Variants in ERC2 observed in about 807,000 individuals in gnomAD.
ERC2 encodes ERC protein 2.
ERC2 carries 42 observed loss-of-function variants against 114.8 expected under a neutral mutation model. That is an observed-to-expected ratio of 0.37 (90% CI 0.29 to 0.47). The LOEUF (loss-of-function observed/expected upper bound fraction) is 0.47, where lower values mean the gene tolerates loss of function less well. Ranked by LOEUF, ERC2 falls within the 20% of genes least tolerant of loss-of-function variation. The probability of loss-of-function intolerance (pLI) is 0.99; values close to 1 mark genes in which losing one functional copy is unlikely to be tolerated. For missense variants in ERC2, 939 were observed against 1,150.7 expected (o/e 0.82, Z 2.66); for synonymous variants, 454 against 425.5 (o/e 1.07, Z -0.82).
intron 15 of ERC2, among the ~76,000 whole-genome samples, chr3:55,732,506 T>C (rs960981612): frequency 7.2e-4 from 109 of 152,232 alleles, no homozygotes; most frequent in African/African-American, 2.5e-3. Flanking sequence ...ACCAAGCTCG[T>C]CGTAAAGAAT....
At chr3:56,451,161 A>T (rs1186335264) in intron 1 of ERC2, among the ~76,000 whole-genome samples, 1 of 152,206 alleles carries the variant, frequency 6.6e-6, no homozygotes, top group Non-Finnish European at 1.5e-5. Context: ...ACACTAAAAA[A>T]TCTTCTATCT....
intron 15 of ERC2, among the ~76,000 whole-genome samples, chr3:55,700,789 C>T (rs77871601): frequency 7.9e-5 from 12 of 152,228 alleles, no homozygotes; most frequent in South Asian, 6.2e-4. Flanking sequence ...CAGATTTATC[C>T]GTCCGTATGT....
rs1479057352 is a variant in ERC2, at chr3:56,434,941, T to C, written c.67A>G (p.Arg23Gly). 5.6e-6 allele frequency: 9 copies of C among 1,613,646 alleles called. No homozygotes were observed. The highest frequency in any genetic ancestry group is 2.2e-5 in the East Asian group (1 of 44,886). ...CTTCGGTGGCCCAAACGAGGAGACC[T>C]TGGCAAACGAGGGGATCTGGAAGGG... ...GSPSRSPRLP[R>G]SPRLGHRRTS... is the part of the protein sequence containing the mutation. Residue 23 changes from arginine (R) to glycine (G), a missense_variant, in exon 2 of 18, where the codon AGG becomes GGG. Coordinates refer to ENST00000288221, the MANE Select transcript of ERC2 (RefSeq NM_015576.3).
intron 17 of ERC2, among the ~76,000 whole-genome samples, chr3:55,602,306 A>C (rs2058439419): frequency 6.6e-6 from 1 of 152,166 alleles, no homozygotes; most frequent in South Asian, 2.1e-4. Flanking sequence ...AGATTCCTGA[A>C]GATGCTCACA....
chr3:56,243,765 A>G (rs1184857134), intron 3 of ERC2, among the ~76,000 whole-genome samples: 1 of 152,202 alleles, frequency 6.6e-6, no homozygotes, highest in Non-Finnish European at 1.5e-5. Context: ...TCCATGCTCT[A>G]TAAGGGGAGC....
At chr3:55,689,059 G>T (rs1433607501) in intron 16 of ERC2, among the ~76,000 whole-genome samples, 1 of 152,122 alleles carries the variant, frequency 6.6e-6, no homozygotes, top group African/African-American at 2.4e-5. Context: ...AGACACACTG[G>T]GGTGTCTCTC....
chr3:56,234,789 C>T (rs1455272144), intron 3 of ERC2, among the ~76,000 whole-genome samples: 1 of 152,184 alleles, frequency 6.6e-6, no homozygotes, highest in Non-Finnish European at 1.5e-5. Context: ...AGAGACCAAA[C>T]TCATCCTTTT....
At chr3:56,372,099 G>T (rs115621807) in intron 2 of ERC2, among the ~76,000 whole-genome samples, 6 of 152,312 alleles carry the variant, frequency 3.9e-5, no homozygotes, top group Admixed American at 2.6e-4. Context: ...ACAAGAAAAT[G>T]AGCTAAAGAG....
At chr3:55,628,960 T>TGAGGAATTTTTTAC (rs2059632187) in intron 17 of ERC2, among the ~76,000 whole-genome samples, 1 of 151,994 alleles carries the variant, frequency 6.6e-6, no homozygotes, top group Non-Finnish European at 1.5e-5. Flanking sequence ...ACCTTTCTTA[T>TGAGGAATTTTTTAC]ATGAATGAAG....
In ERC2 at chr3:55,559,818, G is replaced by T. The variant is rs77069289; in HGVS notation, c.*40-48542C>A. 2.7e-3 allele frequency among the ~76,000 whole-genome samples: 410 copies of T among 152,360 alleles called. 2 individuals are homozygous for T. Among genetic ancestry groups the T allele is most frequent in the African/African-American group, 9.6e-3 (398 of 41,588 alleles). ...AGGGCTTGACCTCAGGCTTTGGCCT[G>T]TTTCAGCTTCTCCCCAGGCAAGACC... On this transcript the variant is annotated intron_variant, in intron 17 of 17. Transcript: ENST00000288221.
intron 2 of ERC2, among the ~76,000 whole-genome samples, chr3:56,360,061 CTTTTTTTTTT>C (rs5849149): frequency 6.1e-5 from 6 of 99,166 alleles, no homozygotes; most frequent in Non-Finnish European, 1.1e-4. Flanking sequence ...TAACAAAAAT[CTTTTTTTTTT>C]TTTTTTTTTT....
chr3:55,857,989 A>T (rs2061864457), intron 14 of ERC2, among the ~76,000 whole-genome samples: 1 of 152,172 alleles, frequency 6.6e-6, no homozygotes, highest in Non-Finnish European at 1.5e-5. Flanking sequence ...AAAAAATACA[A>T]CAGAACTATT....
At chr3:56,341,073 T>G (rs2058072141) in intron 2 of ERC2, among the ~76,000 whole-genome samples, 1 of 152,202 alleles carries the variant, frequency 6.6e-6, no homozygotes, top group South Asian at 2.1e-4. Flanking sequence ...TTATTGAGCT[T>G]AGATGAGTCG....
chr3:56,218,405 G>A (rs1442225241), intron 3 of ERC2, among the ~76,000 whole-genome samples: 3 of 152,184 alleles, frequency 2.0e-5, no homozygotes, highest in Non-Finnish European at 2.9e-5. Flanking sequence ...ATCATCACTG[G>A]CCATCAGAGA....
At chr3:56,038,229 T>G (rs2074927946) in intron 7 of ERC2, among the ~76,000 whole-genome samples, 1 of 152,194 alleles carries the variant, frequency 6.6e-6, no homozygotes, top group East Asian at 1.9e-4. Flanking sequence ...CTTAAACAAA[T>G]TTATAAGAAT....
chr3:55,738,034 T>C (rs1245843329), intron 14 of ERC2, among the ~76,000 whole-genome samples: 2 of 152,130 alleles, frequency 1.3e-5, no homozygotes, highest in Non-Finnish European at 2.9e-5. Flanking sequence ...CTGGCCTCCA[T>C]GGGACTTGGA....
At chr3:55,850,780 A>G (rs2149240080) in intron 14 of ERC2, among the ~76,000 whole-genome samples, 1 of 151,328 alleles carries the variant, frequency 6.6e-6, no homozygotes, top group East Asian at 2.0e-4. Flanking sequence ...TTCATTATCC[A>G]TCAGTTCAAG....
At position 55,509,477 on chromosome 3, in the gene ERC2, G is replaced by C. The variant is rs1431560762; in HGVS notation, c.*1839C>G. On this transcript the variant is annotated 3_prime_UTR_variant, in exon 18 of 18. Coordinates refer to ENST00000288221, the MANE Select transcript of ERC2 (RefSeq NM_015576.3). ...TGCTTACTTCTCTAACCAAGACCTA[G>C]ATCCCTCTGATAGTTAAAGGACAAA... 6.6e-6 allele frequency: 1 copy of C among 152,490 alleles called. No homozygotes were observed. The highest frequency in any genetic ancestry group is 2.4e-5 in the African/African-American group (1 of 41,452). The allele number at this position is 152,490 out of a possible 1,614,324, so 9.4% of individuals were successfully genotyped here.
intron 4 of ERC2, among the ~76,000 whole-genome samples, chr3:56,160,294 A>G (rs756536843): frequency 7.2e-5 from 11 of 152,228 alleles, no homozygotes; most frequent in Admixed American, 5.9e-4. Context: ...GTGTCTGTTC[A>G]TGTCTTTTGC....
Sources: allele counts gnomAD v4.1 joint callset (sites outside exome capture counted in the v4.1 genomes callset), GRCh38; gene constraint gnomAD v4.1.1; transcripts MANE v1.5; gene names NCBI Gene and HGNC (gene_info 2026-07-23, HGNC 2026-07-21).